The following GIMAP8 variants were observed in gnomAD, a reference collection of about 807,000 sequenced individuals.
The protein encoded by GIMAP8 is GTPase, IMAP family member 8, also known as GTPase IMAP family member 8.
In GIMAP8, 29 loss-of-function variants were observed where a neutral mutation model predicts 35.6. The ratio of observed to expected loss-of-function variants is 0.81; its 90% CI spans 0.61 to 1.11. The LOEUF (loss-of-function observed/expected upper bound fraction) is 1.11, where lower values mean the gene tolerates loss of function less well. GIMAP8 is among the 50% of genes most tolerant of loss of function. The pLI, the probability that GIMAP8 is intolerant of heterozygous loss-of-function variation, is 0.00. For synonymous variants in GIMAP8, 335 were observed against 308.7 expected (o/e 1.09, Z -0.89); for missense variants, 811 against 805.0 (o/e 1.01, Z -0.09).
intron 1 of GIMAP8, among the ~76,000 whole-genome samples, chr7:150,453,552 C>G (rs981852502): frequency 1.7e-4 from 26 of 152,184 alleles, no homozygotes; most frequent in African/African-American, 6.0e-4. Context: ...AATTGCTGCA[C>G]AGAAAAAGGG....
Position 150,474,231 on chromosome 7 carries a change from T to C in GIMAP8, c.902T>C (p.Ile301Thr), listed in dbSNP as rs2293283. Residue 301 changes from isoleucine to threonine, a missense_variant, in exon 4 of 5, where the codon ATT (isoleucine) becomes ACT (threonine). Ile to Thr is a moderately conservative substitution (Grantham distance 89, BLOSUM62 -1). Transcript: ENST00000307271. ...TGGAGAAAAAAGAAAGTTTCGATCA[T>C]TGATGCTCCGGACATCTCATCTTTA... ...RSWRKKKVSI[I>T]DAPDISSLKN... 651 of 1,614,200 alleles carry C rather than the reference T, an allele frequency of 4.0e-4. 3 individuals are homozygous for C. The highest frequency in any genetic ancestry group is 3.0e-3 in the East Asian group (136 of 44,888).
chr7:150,477,422 A>G lies in GIMAP8; in HGVS notation c.1640A>G (p.Lys547Arg). The G allele has an allele frequency of 6.2e-7, 1 of 1,613,914 alleles. No individual in the cohort carries two copies. The highest frequency in any genetic ancestry group is 8.5e-7 in the Non-Finnish European group (1 of 1,179,740). The change falls in exon 5 of 5, where the codon AAA becomes AGA. Residue 547 changes from lysine to arginine, a missense_variant. Coordinates refer to ENST00000307271, the MANE Select transcript of GIMAP8 (RefSeq NM_175571.4). ...GAAGAGGACAAAACAGCTGTGGCGA[A>G]ACTGGAGGCCATCTTTGGAGCAGAC... ...FTEEDKTAVA[K>R]LEAIFGADFT...
chr7:150,468,049 A>C (rs569907822), intron 2 of GIMAP8, among the ~76,000 whole-genome samples: 1 of 152,312 alleles, frequency 6.6e-6, no homozygotes, highest in African/African-American at 2.4e-5. Context: ...CCCACACCCC[A>C]GTGTCAGCTC....
chr7:150,457,280 G>A (rs1243800112), intron 1 of GIMAP8, among the ~76,000 whole-genome samples: 2 of 152,226 alleles, frequency 1.3e-5, no homozygotes, highest in Non-Finnish European at 2.9e-5. Context: ...TTTCCGCCCT[G>A]GGTGGGCCAG....
Position 150,477,385 on chromosome 7 carries a change from G to C in GIMAP8, c.1603G>C (p.Gly535Arg). 4.3e-6 allele frequency: 7 copies of C among 1,614,188 alleles called. No homozygotes were observed. The highest frequency in any genetic ancestry group is 5.9e-6 in the Non-Finnish European group (7 of 1,180,044). Reference protein sequence around the residue: ...DTFFVLVFQLGRFTEEDKTAV... With the variant: ...DTFFVLVFQLRRFTEEDKTAV... Reference sequence around the variant, plus strand: ...ATTTTTTGTCCTGGTGTTCCAGCTGGGACGATTCACTGAAGAGGACAAAAC... The same window carrying C: ...ATTTTTTGTCCTGGTGTTCCAGCTGCGACGATTCACTGAAGAGGACAAAAC... Residue 535 changes from glycine (G) to arginine (R), a missense_variant, in exon 5 of 5, where the codon GGA becomes CGA. Coordinates refer to ENST00000307271, the MANE Select transcript of GIMAP8 (RefSeq NM_175571.4).
chr7:150,477,743 A>G lies in GIMAP8; in HGVS notation c.1961A>G (p.Glu654Gly). The G allele has an allele frequency of 2.5e-6, 4 of 1,613,412 alleles. No individual in the cohort carries two copies. Among genetic ancestry groups the G allele is most frequent in the Non-Finnish European group, 2.5e-6 (3 of 1,179,812 alleles). ...IKNVQEMSQA[E>G]KLLKNLIGIL... Reference sequence around the variant, plus strand: ...AATGTCCAGGAAATGTCCCAAGCCGAAAAACTCCTTAAAAATTTAATAGGT... The same window carrying G: ...AATGTCCAGGAAATGTCCCAAGCCGGAAAACTCCTTAAAAATTTAATAGGT... Residue 654 changes from glutamate (E) to glycine (G), a missense_variant, in exon 5 of 5, where the codon GAA becomes GGA. Physicochemically the swap from Glu to Gly is moderately conservative, Grantham distance 98. Transcript: ENST00000307271.
Position 150,474,206 on chromosome 7 carries a change from T to C in GIMAP8, c.877T>C (p.Trp293Arg). 1 of 1,614,156 alleles carries C rather than the reference T, an allele frequency of 6.2e-7. No individual in the cohort carries two copies. The highest frequency in any genetic ancestry group is 8.5e-7 in the Non-Finnish European group (1 of 1,180,014). The change falls in exon 4 of 5, where the codon TGG (tryptophan) becomes CGG (arginine). Residue 293 changes from tryptophan (W) to arginine (R), a missense_variant. Trp to Arg is a moderately radical substitution (Grantham distance 101, BLOSUM62 -3). Coordinates refer to ENST00000307271, the MANE Select transcript of GIMAP8 (RefSeq NM_175571.4). ...TQSFLSESRS[W>R]RKKKVSIIDA... ...GAGCTTCTTGTCTGAGAGCAGAAGCTGGAGAAAAAAGAAAGTTTCGATCAT... is the reference window on the plus strand; with the variant it reads ...GAGCTTCTTGTCTGAGAGCAGAAGCCGGAGAAAAAAGAAAGTTTCGATCAT...
Position 150,477,163 on chromosome 7 carries a change from A to T in GIMAP8, c.1381A>T (p.Ser461Cys), listed in dbSNP as rs200837107. The T allele has an allele frequency of 9.3e-6, 15 of 1,613,836 alleles. No homozygotes were observed. The Admixed American group carries it at 2.3e-4, about 25-fold the overall frequency. Residue 461 changes from serine to cysteine, a missense_variant, in exon 5 of 5, where the codon AGC (serine) becomes TGC (cysteine). Ser to Cys is a moderately radical substitution (Grantham distance 112, BLOSUM62 -1). Coordinates refer to ENST00000307271, the MANE Select transcript of GIMAP8 (RefSeq NM_175571.4). ...TGCGACCGGGAACTCTATCCTGGGG[A>T]GCCTCGTCTTCACCTCTCGGCTCCG... is the stretch of plus-strand genomic sequence containing the variant. Reference protein sequence around the residue: ...KSATGNSILGSLVFTSRLRAQ... With the variant: ...KSATGNSILGCLVFTSRLRAQ...
chr7:150,477,291 C>G lies in GIMAP8; in HGVS notation c.1509C>G (p.Val503=), dbSNP rs369326425. ...CTTCCTTCAACCAGATGCTGGATGT[C>G]GAAAAGGACCCATCCCGGTTAGAAG... ...DTPSFNQMLD[V]EKDPSRLEEE... is the part of the protein sequence containing the mutation. The change falls in exon 5 of 5, where the codon GTC becomes GTG. Residue 503 remains valine, a synonymous_variant. Coordinates refer to ENST00000307271, the MANE Select transcript of GIMAP8 (RefSeq NM_175571.4). 1 of 1,613,940 alleles carries G rather than the reference C, an allele frequency of 6.2e-7. No homozygotes were observed. Among genetic ancestry groups the G allele is most frequent in the Admixed American group, 1.7e-5 (1 of 60,008 alleles).
At chr7:150,471,312 A>G (rs1044635282) in intron 3 of GIMAP8, among the ~76,000 whole-genome samples, 13 of 152,242 alleles carry the variant, frequency 8.5e-5, no homozygotes, top group African/African-American at 2.2e-4. Context: ...GCACATCTGC[A>G]TAAGTCAATA....
At chr7:150,475,395 T>G (rs1489626767) in intron 4 of GIMAP8, among the ~76,000 whole-genome samples, 1 of 152,258 alleles carries the variant, frequency 6.6e-6, no homozygotes, top group African/African-American at 2.4e-5. Context: ...GTTATAGCTT[T>G]TCCATGCACA....
At chr7:150,469,786 A>G (rs914370718) in intron 2 of GIMAP8, among the ~76,000 whole-genome samples, 2 of 152,238 alleles carry the variant, frequency 1.3e-5, no homozygotes, top group Admixed American at 1.3e-4. Context: ...CAGTAAAACC[A>G]GAAATAAACC....
intron 4 of GIMAP8, among the ~76,000 whole-genome samples, chr7:150,475,077 G>A (rs1204822680): frequency 2.0e-5 from 3 of 152,156 alleles, no homozygotes; most frequent in African/African-American, 7.2e-5. Flanking sequence ...TGGCTGCATA[G>A]TATTCCATGG....
intron 1 of GIMAP8, among the ~76,000 whole-genome samples, chr7:150,459,976 G>C (rs1801811408): frequency 6.6e-6 from 1 of 152,196 alleles, no homozygotes; most frequent in Admixed American, 6.5e-5. Flanking sequence ...AAATCAATCT[G>C]CCATAGGTAG....
At chr7:150,468,243 A>C (rs1162969028) in intron 2 of GIMAP8, among the ~76,000 whole-genome samples, 4 of 152,248 alleles carry the variant, frequency 2.6e-5, no homozygotes, top group Non-Finnish European at 5.9e-5. Context: ...GCTGTATCCC[A>C]CAACCCATCT....
intron 1 of GIMAP8, among the ~76,000 whole-genome samples, chr7:150,464,976 CAGTGACTG>C (rs1328565600): frequency 2.0e-5 from 3 of 152,162 alleles, no homozygotes; most frequent in African/African-American, 4.8e-5. Flanking sequence ...CAATCTGTCC[CAGTGACTG>C]ACTCCTCCCT....
In GIMAP8 at chr7:150,472,790, A is replaced by G. The variant is rs1802121086; in HGVS notation, c.683-1222A>G. Reference sequence around the variant, plus strand: ...AGTAGCCAGCAGGAGATAGGGCAGGAGGCAAAGAAAGTGCTGTCATATGGG... The same window carrying G: ...AGTAGCCAGCAGGAGATAGGGCAGGGGGCAAAGAAAGTGCTGTCATATGGG... On this transcript the variant is annotated intron_variant, in intron 3 of 4. Transcript: ENST00000307271. The surrounding 1 kb of genome is among the most constrained non-coding windows in gnomAD (Gnocchi z 4.1). 6.6e-6 allele frequency among the ~76,000 whole-genome samples: 1 copy of G among 152,130 alleles called. No homozygotes were observed. The highest frequency in any genetic ancestry group is 1.5e-5 in the Non-Finnish European group (1 of 68,020).
intron 1 of GIMAP8, among the ~76,000 whole-genome samples, chr7:150,458,459 G>A (rs1185926457): frequency 6.6e-6 from 1 of 152,302 alleles, no homozygotes; most frequent in Non-Finnish European, 1.5e-5. Flanking sequence ...AGAGTCCACT[G>A]ATTTTAATGT....
intron 2 of GIMAP8, 32 bp from the exon 3 acceptor site, chr7:150,470,794 ATCT>A: frequency 2.9e-6 from 2 of 697,236 alleles, no homozygotes; most frequent in South Asian, 4.0e-5. Context: ...GAGGTTTTAG[ATCT>A]GTGTGCACTA....
Sources: gnomAD v4.1 joint callset for allele counts (sites outside exome capture counted in the v4.1 genomes callset) on GRCh38, gnomAD v4.1.1 for gene constraint, Gnocchi (gnomAD v3.1) non-coding constraint, MANE v1.5 for transcripts, NCBI Gene and HGNC (gene_info 2026-07-23, HGNC 2026-07-21) for gene names.